KCNN2: variants seen among roughly 807,000 people sequenced by gnomAD.
KCNN2 encodes potassium calcium-activated channel subfamily N member 2.
A neutral mutation model predicts 55.5 loss-of-function variants in KCNN2; 24 were observed. The observed-to-expected ratio is 0.43, with a 90% CI of 0.31 to 0.61. The LOEUF (loss-of-function observed/expected upper bound fraction) is 0.61, where lower values mean the gene tolerates loss of function less well. Ranked by LOEUF, KCNN2 falls within the 20% of genes least tolerant of loss-of-function variation. The probability of loss-of-function intolerance (pLI) is 0.08; values close to 1 mark genes in which losing one functional copy is unlikely to be tolerated. For synonymous variants in KCNN2, 431 were observed against 336.1 expected (o/e 1.28, Z -3.09); for missense variants, 754 against 853.6 (o/e 0.88, Z 1.45).
At chr5:114,180,213 T>G (rs1289440021) in intron 1 of KCNN2, among the ~76,000 whole-genome samples, 1 of 152,192 alleles carries the variant, frequency 6.6e-6, no homozygotes, top group Non-Finnish European at 1.5e-5. Flanking sequence ...TATAGACATT[T>G]TTTTTTCTTT....
chr5:114,257,742 T>A (rs1030466375), intron 2 of KCNN2, among the ~76,000 whole-genome samples: 3 of 152,082 alleles, frequency 2.0e-5, no homozygotes, highest in Non-Finnish European at 4.4e-5. Flanking sequence ...GATATAGAAG[T>A]TTTTTGGAGG....
chr5:114,127,049 TG>T (rs1384033513), intron 1 of KCNN2, among the ~76,000 whole-genome samples: 1 of 152,228 alleles, frequency 6.6e-6, no homozygotes, highest in African/African-American at 2.4e-5. Context: ...TTTGCTCCTG[TG>T]GCTTTGCAGG....
chr5:114,113,330 A>C (rs1751640718), intron 1 of KCNN2, among the ~76,000 whole-genome samples: 1 of 151,898 alleles, frequency 6.6e-6, no homozygotes, highest in Non-Finnish European at 1.5e-5. Flanking sequence ...ATGAAGTCAG[A>C]TCTCGGTCTC....
At chr5:114,076,618 T>C (rs1046620606) in intron 1 of KCNN2, among the ~76,000 whole-genome samples, 3 of 152,206 alleles carry the variant, frequency 2.0e-5, no homozygotes, top group Non-Finnish European at 4.4e-5. Context: ...TTCATTTAAA[T>C]CAGTTTTGTT....
At chr5:114,235,993 G>C (rs572918805) in intron 2 of KCNN2, among the ~76,000 whole-genome samples, 6 of 152,186 alleles carry the variant, frequency 3.9e-5, no homozygotes. Flanking sequence ...AGAAGCATTT[G>C]AAGGCTGCCT....
chr5:114,379,145 C>G (rs1161873343), intron 2 of KCNN2, among the ~76,000 whole-genome samples: 1 of 151,992 alleles, frequency 6.6e-6, no homozygotes, highest in Non-Finnish European at 1.5e-5. Context: ...CCTCTTAGAC[C>G]TCCTAGTGGT....
chr5:114,109,799 A>C (rs1751557595), intron 1 of KCNN2, among the ~76,000 whole-genome samples: 2 of 152,062 alleles, frequency 1.3e-5, no homozygotes, highest in Non-Finnish European at 1.5e-5. Context: ...GGATGTGTTC[A>C]CAGGTAGCAT....
intron 1 of KCNN2, among the ~76,000 whole-genome samples, chr5:114,168,616 G>A (rs1752967583): frequency 6.6e-6 from 1 of 151,934 alleles, no homozygotes; most frequent in African/African-American, 2.4e-5. Context: ...TTTATTATAT[G>A]GTCAGGATAT....
At chr5:114,207,951 A>G (rs1048080061) in intron 1 of KCNN2, among the ~76,000 whole-genome samples, 4 of 152,168 alleles carry the variant, frequency 2.6e-5, no homozygotes, top group Admixed American at 6.5e-5. Context: ...TAAAACTCAG[A>G]AGAGGCTGTT....
At chr5:114,214,839 T>C (rs1165640611) in intron 1 of KCNN2, among the ~76,000 whole-genome samples, 1 of 152,160 alleles carries the variant, frequency 6.6e-6, no homozygotes, top group Non-Finnish European at 1.5e-5. Context: ...GCGAAAATTT[T>C]AAAAGCAACC....
intron 1 of KCNN2, among the ~76,000 whole-genome samples, chr5:114,131,125 T>C (rs551768000): frequency 6.6e-6 from 1 of 152,338 alleles, no homozygotes; most frequent in Admixed American, 6.5e-5. Context: ...TTTTATTTTA[T>C]TTTTAAATGT....
intron 1 of KCNN2, among the ~76,000 whole-genome samples, chr5:114,125,606 C>T (rs1751915303): frequency 1.3e-5 from 2 of 152,152 alleles, no homozygotes; most frequent in Admixed American, 1.3e-4. Flanking sequence ...GTCATACACC[C>T]TTTGAGACTT....
chr5:114,342,309 A>G (rs997921632), intron 2 of KCNN2, among the ~76,000 whole-genome samples: 1 of 152,226 alleles, frequency 6.6e-6, no homozygotes, highest in African/African-American at 2.4e-5. Flanking sequence ...AGCTGTGAGG[A>G]TAATCATGAA....
At chr5:114,482,263 C>T (rs1762261550) in intron 5 of KCNN2, among the ~76,000 whole-genome samples, 2 of 152,142 alleles carry the variant, frequency 1.3e-5, no homozygotes, top group African/African-American at 4.8e-5. Flanking sequence ...AGCCAACAAA[C>T]TTATGAAAAA....
intron 2 of KCNN2, among the ~76,000 whole-genome samples, chr5:114,393,427 A>G (rs1220025276): frequency 6.6e-6 from 1 of 152,086 alleles, no homozygotes; most frequent in East Asian, 1.9e-4. Context: ...ATTACTTTCT[A>G]GTTTTGAAGT....
At chr5:114,214,543 A>T (rs1432130860) in intron 1 of KCNN2, among the ~76,000 whole-genome samples, 4 of 152,086 alleles carry the variant, frequency 2.6e-5, no homozygotes, top group Non-Finnish European at 4.4e-5. Context: ...ATTGACTAAG[A>T]GGAAAAAGTT....
intron 1 of KCNN2, among the ~76,000 whole-genome samples, chr5:114,063,134 T>C (rs1750366058): frequency 6.6e-6 from 1 of 152,178 alleles, no homozygotes; most frequent in African/African-American, 2.4e-5. Flanking sequence ...GCAGCTGTGC[T>C]CAGCTCCTCC....
chr5:114,258,398 G>A (rs1005103768), intron 2 of KCNN2, among the ~76,000 whole-genome samples: 7 of 152,118 alleles, frequency 4.6e-5, no homozygotes, highest in Admixed American at 1.3e-4. Context: ...CAATTTGGGG[G>A]AACGATTTTG....
At chr5:114,404,276 A>G (rs150108004) in intron 2 of KCNN2, among the ~76,000 whole-genome samples, 162 bp from the exon 3 acceptor site, 55 of 152,238 alleles carry the variant, frequency 3.6e-4, no homozygotes, top group African/African-American at 1.3e-3. Flanking sequence ...GAATACCAAT[A>G]CCCTTTACTA....
Sources: gnomAD v4.1 joint callset for allele counts (sites outside exome capture counted in the v4.1 genomes callset) on GRCh38, gnomAD v4.1.1 for gene constraint, MANE v1.5 for transcripts, NCBI Gene and HGNC (gene_info 2026-07-23, HGNC 2026-07-21) for gene names.